The following TNFSF4 variants were observed in gnomAD, a reference collection of about 807,000 sequenced individuals.
TNFSF4 encodes the protein TNF superfamily member 4.
TNFSF4 carries 4 observed loss-of-function variants against 7.3 expected under a neutral mutation model. That is an observed-to-expected ratio of 0.55 (90% CI 0.27 to 1.25). The LOEUF is 1.25. TNFSF4 is among the 50% of genes most tolerant of loss of function. The probability of loss-of-function intolerance (pLI) is 0.12; values close to 1 mark genes in which losing one functional copy is unlikely to be tolerated. For synonymous variants in TNFSF4, 76 were observed against 83.7 expected (o/e 0.91, Z 0.50); for missense variants, 181 against 208.8 (o/e 0.87, Z 0.82).
the TNFSF4 span, among the ~76,000 whole-genome samples, chr1:173,358,471 A>G: frequency 1.3e-5 from 2 of 152,370 alleles, no homozygotes; most frequent in Admixed American, 1.3e-4. Flanking sequence ...TGCTGGGAGT[A>G]TAAGTTAGTA....
At position 173,188,589 on chromosome 1, in the gene TNFSF4, A is replaced by T; in HGVS notation, c.154-20T>A. 1 of 1,601,764 alleles carries T rather than the reference A, an allele frequency of 6.2e-7. No homozygotes were observed. Among genetic ancestry groups the T allele is most frequent in the South Asian group, 1.1e-5 (1 of 89,878 alleles). On this transcript the variant is annotated intron_variant, in intron 1 of 2. Coordinates refer to ENST00000281834, the MANE Select transcript of TNFSF4 (RefSeq NM_003326.5). ...TGATACCTGAGGGAGGAAGAAAGAC[A>T]TATTCTTAGGAAAAAAACATGAACA...
the TNFSF4 span, among the ~76,000 whole-genome samples, chr1:173,419,065 T>C: frequency 8.3e-4 from 126 of 151,974 alleles, no homozygotes; most frequent in South Asian, 0.02. Context: ...CCTGGCCGGG[T>C]GCTGTGGCTC....
At chr1:173,262,663 C>T in the TNFSF4 span, among the ~76,000 whole-genome samples, 7 of 134,830 alleles carry the variant, frequency 5.2e-5, no homozygotes, top group East Asian at 6.6e-4. Flanking sequence ...AGTGCAGTGG[C>T]GCAATCTCGG....
the TNFSF4 span, among the ~76,000 whole-genome samples, chr1:173,412,011 C>A: frequency 8.7e-5 from 13 of 149,158 alleles, no homozygotes; most frequent in Admixed American, 4.8e-4. Context: ...CCCAGCTACT[C>A]AGGAGGCTAA....
At chr1:173,446,623 C>A in the TNFSF4 span, among the ~76,000 whole-genome samples, 2 of 152,124 alleles carry the variant, frequency 1.3e-5, no homozygotes, top group Non-Finnish European at 2.9e-5. Context: ...TGGGTGGGCA[C>A]CATCTAATCA....
chr1:173,261,106 A>G, the TNFSF4 span, among the ~76,000 whole-genome samples: 1 of 152,212 alleles, frequency 6.6e-6, no homozygotes, highest in Non-Finnish European at 1.5e-5. Flanking sequence ...ACTCCTCAAC[A>G]AATCCAGAAG....
chr1:173,340,035 G>A, the TNFSF4 span, among the ~76,000 whole-genome samples: 1 of 152,110 alleles, frequency 6.6e-6, no homozygotes, highest in South Asian at 2.1e-4. Context: ...TATGATGTGA[G>A]TGGGCCCCAC....
chr1:173,350,054 C>T, the TNFSF4 span, among the ~76,000 whole-genome samples: 1 of 152,026 alleles, frequency 6.6e-6, no homozygotes, highest in African/African-American at 2.4e-5. Context: ...ATATATTTAC[C>T]TAAGTTATAA....
At chr1:173,374,979 C>A in the TNFSF4 span, among the ~76,000 whole-genome samples, 1 of 152,206 alleles carries the variant, frequency 6.6e-6, no homozygotes. Flanking sequence ...TATCCTTACT[C>A]TGCAATCCCA....
chr1:173,391,661 T>G, the TNFSF4 span, among the ~76,000 whole-genome samples: 1 of 152,074 alleles, frequency 6.6e-6, no homozygotes, highest in South Asian at 2.1e-4. Context: ...CATTTCTGAT[T>G]CCTCCTCGAT....
chr1:173,357,921 A>G, the TNFSF4 span, among the ~76,000 whole-genome samples: 1 of 152,208 alleles, frequency 6.6e-6, no homozygotes, highest in Non-Finnish European at 1.5e-5. Flanking sequence ...AGGCTACAAC[A>G]TGACCATGGT....
At chr1:173,362,285 C>T in the TNFSF4 span, 18 of 165,660 alleles carry the variant, frequency 1.1e-4, no homozygotes, top group East Asian at 3.6e-4. Flanking sequence ...AATTTATAAA[C>T]GGTTAACATG....
the TNFSF4 span, among the ~76,000 whole-genome samples, chr1:173,412,482 T>C: frequency 3.3e-5 from 5 of 152,320 alleles, no homozygotes; most frequent in Non-Finnish European, 7.3e-5. Context: ...ATTAAAAGCA[T>C]TAACCATAGG....
chr1:173,350,557 C>T, the TNFSF4 span, among the ~76,000 whole-genome samples: 199 of 152,280 alleles, frequency 1.3e-3, 1 homozygote, highest in African/African-American at 4.1e-3. Flanking sequence ...AGCCAAGCTA[C>T]GCAGGAACAC....
chr1:173,233,497 C>T, the TNFSF4 span, among the ~76,000 whole-genome samples: 5 of 152,194 alleles, frequency 3.3e-5, no homozygotes, highest in South Asian at 2.1e-4. Flanking sequence ...AGATACTCCT[C>T]GAGAAAAGCA....
the TNFSF4 span, among the ~76,000 whole-genome samples, chr1:173,258,197 T>G: frequency 6.6e-6 from 1 of 152,000 alleles, no homozygotes; most frequent in Non-Finnish European, 1.5e-5. Context: ...GGGGCTAAGA[T>G]AGCTGATTAG....
the TNFSF4 span, among the ~76,000 whole-genome samples, chr1:173,215,677 T>C: frequency 6.6e-6 from 1 of 152,188 alleles, no homozygotes; most frequent in Non-Finnish European, 1.5e-5. Flanking sequence ...ATATGTTGCA[T>C]TAAACATCTC....
the TNFSF4 span, among the ~76,000 whole-genome samples, chr1:173,368,770 C>A: frequency 6.6e-6 from 1 of 152,174 alleles, no homozygotes; most frequent in Non-Finnish European, 1.5e-5. Context: ...GAGAGACTAG[C>A]CCATCTATCC....
the TNFSF4 span, among the ~76,000 whole-genome samples, chr1:173,402,816 T>C: frequency 6.6e-6 from 1 of 152,062 alleles, no homozygotes; most frequent in South Asian, 2.1e-4. Context: ...CCAGAGTTTC[T>C]GATTCAGGGA....
Sources: gnomAD v4.1 joint callset for allele counts (sites outside exome capture counted in the v4.1 genomes callset) on GRCh38, gnomAD v4.1.1 for gene constraint, MANE v1.5 for transcripts, NCBI Gene and HGNC (gene_info 2026-07-23, HGNC 2026-07-21) for gene names.